The following NYX variants were observed in gnomAD, a reference collection of about 807,000 sequenced individuals.
NYX encodes the protein nyctalopin.
For missense variants in NYX, 481 were observed against 485.4 expected (o/e 0.99, Z 0.09); for synonymous variants, 258 against 245.7 (o/e 1.05, Z -0.47).
In NYX at chrX:41,474,814, C is replaced by T; in HGVS notation, c.1346C>T (p.Ala449Val). The T allele has an allele frequency of 8.3e-7, 1 of 1,203,748 alleles. No individual in the cohort carries two copies. The highest frequency in any genetic ancestry group is 1.1e-6 in the Non-Finnish European group (1 of 892,495). Residue 449 changes from alanine (A) to valine (V), a missense_variant, in exon 3 of 3, where the codon GCG becomes GTG. By Grantham distance (64) the Ala-to-Val change is moderately conservative. Coordinates refer to ENST00000378220, the MANE Select transcript of NYX (RefSeq NM_001378477.3). ...DSLSSRGVGG[A>V]GRQPWFLLAS... is the part of the protein sequence containing the mutation. The stretch of plus-strand genomic sequence containing the variant: ...CTCTCCTCCCGTGGGGTGGGAGGCG[C>T]GGGCCGGCAGCCCTGGTTTCTCCTC...
intron 2 of NYX, among the ~76,000 whole-genome samples, chrX:41,466,438 A>T (rs560993500): frequency 9.2e-6 from 1 of 108,939 alleles, no homozygotes; most frequent in Non-Finnish European, 1.9e-5. Context: ...AATAAAAAAT[A>T]AAAAAAAAAT....
At chrX:41,455,638 C>G (rs1480912706) in intron 2 of NYX, among the ~76,000 whole-genome samples, 2 of 110,685 alleles carry the variant, frequency 1.8e-5, no homozygotes, top group African/African-American at 6.6e-5. Flanking sequence ...CTTCCCCTCC[C>G]TACCTCAGAC....
intron 2 of NYX, among the ~76,000 whole-genome samples, chrX:41,450,836 T>A (rs1180460628): frequency 0.3 from 14,468 of 48,660 alleles, 1,282 homozygotes; most frequent in South Asian, 0.38. Context: ...ATATTTTTTT[T>A]TTTTTTTTTT....
At chrX:41,469,766 C>T (rs1469922555) in intron 2 of NYX, among the ~76,000 whole-genome samples, 2 of 110,252 alleles carry the variant, frequency 1.8e-5, no homozygotes, top group Non-Finnish European at 3.8e-5. Flanking sequence ...AGGCTAGTCT[C>T]GAACACCTGA....
chrX:41,470,883 C>T (rs1206900246), intron 2 of NYX, among the ~76,000 whole-genome samples: 1 of 109,896 alleles, frequency 9.1e-6, no homozygotes, highest in Non-Finnish European at 1.9e-5. Context: ...ACAGCGATGT[C>T]CTCGGAGATC....
intron 2 of NYX, among the ~76,000 whole-genome samples, chrX:41,451,623 C>T (rs910951769): frequency 3.6e-5 from 4 of 110,817 alleles, no homozygotes; most frequent in African/African-American, 9.9e-5. Context: ...ACGTGATTCT[C>T]GTGCCTCAGC....
intron 2 of NYX, among the ~76,000 whole-genome samples, chrX:41,458,793 T>C (rs190988907): frequency 1.9e-5 from 2 of 104,627 alleles, no homozygotes; most frequent in South Asian, 4.8e-4. Context: ...TAAAAGCTGG[T>C]TGTTGGCCAG....
chrX:41,460,493 G>T (rs1234993800), intron 2 of NYX, among the ~76,000 whole-genome samples: 1 of 107,433 alleles, frequency 9.3e-6, no homozygotes, highest in Non-Finnish European at 1.9e-5. Context: ...AAGCATTCAA[G>T]TCTTTTATCC....
rs190938247 is a variant in NYX, at chrX:41,465,262, C to G, written c.23-8229C>G. On this transcript the variant is annotated intron_variant, in intron 2 of 2. Transcript: ENST00000378220. ...ATGTCTACTAGTATTTGGTTGTACA[C>G]TGGATACTGCGGAGCCAGTGGTAGA... is the stretch of plus-strand genomic sequence containing the variant. Among the ~76,000 whole-genome samples the G allele has an allele frequency of 4.3e-4, 48 of 110,656 alleles. 1 individual carries two copies. Among genetic ancestry groups the G allele is most frequent in the African/African-American group, 1.6e-3 (48 of 30,439 alleles).
chrX:41,462,103 C>G (rs914657789), intron 2 of NYX, among the ~76,000 whole-genome samples: 1 of 112,040 alleles, frequency 8.9e-6, no homozygotes, highest in African/African-American at 3.2e-5. Flanking sequence ...CCTGGCCAAG[C>G]ATTTTTTCAT....
chrX:41,449,594 A>G (rs903169366), intron 2 of NYX, among the ~76,000 whole-genome samples: 1 of 110,968 alleles, frequency 9.0e-6, no homozygotes, highest in Non-Finnish European at 1.9e-5. Flanking sequence ...AAAAAAAATG[A>G]AACTTGATTG....
intron 2 of NYX, among the ~76,000 whole-genome samples, chrX:41,458,152 C>T (rs2064305641): frequency 9.0e-6 from 1 of 111,364 alleles, no homozygotes; most frequent in African/African-American, 3.3e-5. Context: ...GCCTCACGAC[C>T]TAACCACCTC....
At position 41,474,340 on chromosome X, in the gene NYX, G is replaced by A; in HGVS notation, c.872G>A (p.Gly291Asp). ...AACAGCATCGCCTTCGTGGAGGAGG[G>A]CGCCTTCCAGAACCTCTCGGGTCTC... is the stretch of plus-strand genomic sequence containing the variant. ...DRNSIAFVEE[G>D]AFQNLSGLLA... Residue 291 changes from glycine to aspartate, a missense_variant, in exon 3 of 3, where the codon GGC (glycine) becomes GAC (aspartate). By Grantham distance (94) the Gly-to-Asp change is moderately conservative. Coordinates refer to ENST00000378220, the MANE Select transcript of NYX (RefSeq NM_001378477.3). 1 of 1,208,514 alleles carries A rather than the reference G, an allele frequency of 8.3e-7. No individual in the cohort carries two copies. The highest frequency in any genetic ancestry group is 1.1e-6 in the Non-Finnish European group (1 of 895,425).
intron 2 of NYX, among the ~76,000 whole-genome samples, chrX:41,471,838 T>A (rs758075749): frequency 0.024 from 1,140 of 48,066 alleles, 6 homozygotes; most frequent in East Asian, 0.057. Context: ...TATGTATTTT[T>A]TTTTTTTTTT....
chrX:41,474,055 C>T lies in NYX; in HGVS notation c.587C>T (p.Ser196Leu). Residue 196 changes from serine (S) to leucine (L), a missense_variant, in exon 3 of 3, where the codon TCG (serine) becomes TTG (leucine). By Grantham distance (145) the Ser-to-Leu change is moderately radical. Transcript: ENST00000378220. ...CGCATCGAGGCGGTGGCCTCCAGCT[C>T]GCTGCAGGGCCTGCGCCGCCTGCGC... ...RGRIEAVASS[S>L]LQGLRRLRSL... The T allele has an allele frequency of 9.4e-7, 1 of 1,062,301 alleles. No homozygotes were observed. The highest frequency in any genetic ancestry group is 1.2e-6 in the Non-Finnish European group (1 of 830,534). 87.5% of individuals were successfully genotyped at this position (1,062,301 alleles called of 1,213,427 possible). A position where few individuals can be genotyped will look rare whatever the true frequency, so the allele number is the denominator to read the frequency against.
At chrX:41,456,471 C>T (rs1389095876) in intron 2 of NYX, among the ~76,000 whole-genome samples, 1 of 111,906 alleles carries the variant, frequency 8.9e-6, no homozygotes, top group Non-Finnish European at 1.9e-5. Flanking sequence ...TAGGTATTCT[C>T]AGGCTTCCTA....
At chrX:41,457,044 A>G (rs936787324) in intron 2 of NYX, among the ~76,000 whole-genome samples, 1 of 111,402 alleles carries the variant, frequency 9.0e-6, no homozygotes, top group African/African-American at 3.3e-5. Context: ...GTGGTGGTTC[A>G]TGCCTGTAAT....
Position 41,473,715 on chromosome X carries a change from T to C in NYX, c.247T>C (p.Leu83=). 8.7e-7 allele frequency: 1 copy of C among 1,152,257 alleles called. No homozygotes were observed. Among genetic ancestry groups the C allele is most frequent in the Non-Finnish European group, 1.1e-6 (1 of 871,654 alleles). 95.0% of individuals were successfully genotyped at this position (1,152,257 alleles called of 1,213,427 possible). A position where few individuals can be genotyped will look rare whatever the true frequency, so the allele number is the denominator to read the frequency against. The part of the protein sequence containing the change: ...GERAFGTLPS[L]RRLSLRHNNL... ...GCGAGCCTTCGGCACGCTGCCGTCC[T>C]TGCGCCGCCTGTCGCTGCGCCACAA... Residue 83 remains leucine, a synonymous_variant, in exon 3 of 3, where the codon TTG becomes CTG. Transcript: ENST00000378220.
intron 2 of NYX, among the ~76,000 whole-genome samples, chrX:41,456,687 A>G (rs1024856344): frequency 1.1e-4 from 12 of 111,921 alleles, no homozygotes; most frequent in African/African-American, 2.9e-4. Context: ...TCTGAATCCA[A>G]GTCTTACTGG....
Sources: gnomAD v4.1 joint callset for allele counts (sites outside exome capture counted in the v4.1 genomes callset) on GRCh38, gnomAD v4.1.1 for gene constraint, MANE v1.5 for transcripts, NCBI Gene and HGNC (gene_info 2026-07-23, HGNC 2026-07-21) for gene names.